ARHGAP6: variants seen among roughly 807,000 people sequenced by gnomAD.
The protein encoded by ARHGAP6 is rho GTPase-activating protein 6.
Under a neutral mutation model 55.7 loss-of-function variants are expected in ARHGAP6, and 16 were observed. That is an observed-to-expected ratio of 0.29 (90% CI 0.19 to 0.44). ARHGAP6 has a LOEUF of 0.44. Ranked by LOEUF, ARHGAP6 falls within the 20% of genes least tolerant of loss-of-function variation. The pLI is 1.00. For synonymous variants in ARHGAP6, 382 were observed against 360.9 expected, an observed-to-expected ratio of 1.06 and a Z score of -0.66; for missense variants, 698 against 808.9, an observed-to-expected ratio of 0.86 and a Z score of 1.66.
At chrX:11,284,387 A>G (rs887740852) in intron 1 of ARHGAP6, among the ~76,000 whole-genome samples, 1 of 112,133 alleles carries the variant, frequency 8.9e-6, no homozygotes, top group Non-Finnish European at 1.9e-5. Context: ...AAGAGGAAAG[A>G]AGTGGCACTT....
At chrX:11,365,899 G>C (rs1219452717) in intron 1 of ARHGAP6, among the ~76,000 whole-genome samples, 2 of 112,286 alleles carry the variant, frequency 1.8e-5, no homozygotes, top group East Asian at 5.6e-4. Flanking sequence ...AGTTCTGGAG[G>C]CTGGACATCT....
At chrX:11,576,238 C>A (rs1384155152) in intron 1 of ARHGAP6, among the ~76,000 whole-genome samples, 1 of 111,825 alleles carries the variant, frequency 8.9e-6, no homozygotes, top group Non-Finnish European at 1.9e-5. Context: ...GTGATACTGT[C>A]ACTTTATTAA....
chrX:11,261,996 T>C (rs940625348), intron 1 of ARHGAP6, among the ~76,000 whole-genome samples: 4 of 112,130 alleles, frequency 3.6e-5, no homozygotes, highest in Non-Finnish European at 5.6e-5. Flanking sequence ...AGATTACATA[T>C]AATCTCCTTA....
At chrX:11,146,745 C>A (rs2045697455) in intron 10 of ARHGAP6, among the ~76,000 whole-genome samples, 1 of 112,519 alleles carries the variant, frequency 8.9e-6, no homozygotes, top group Admixed American at 9.4e-5. Flanking sequence ...TGCTCTCTAG[C>A]AGCAGAGGCA....
At chrX:11,386,060 T>C (rs2049324683) in intron 1 of ARHGAP6, among the ~76,000 whole-genome samples, 1 of 112,218 alleles carries the variant, frequency 8.9e-6, no homozygotes, top group Non-Finnish European at 1.9e-5. Context: ...GCAAAGACAA[T>C]TCCTGAGAAA....
chrX:11,625,550 G>T (rs1437386017), intron 1 of ARHGAP6, among the ~76,000 whole-genome samples: 2 of 111,082 alleles, frequency 1.8e-5, no homozygotes, highest in Non-Finnish European at 3.8e-5. Context: ...GTAGTGGGGA[G>T]GAATGAAGAG....
intron 1 of ARHGAP6, among the ~76,000 whole-genome samples, chrX:11,262,078 C>T (rs927314203): frequency 9.0e-5 from 10 of 111,727 alleles, no homozygotes; most frequent in Non-Finnish European, 1.7e-4. Context: ...ACTATATATT[C>T]GTTTATATAT....
At chrX:11,208,786 C>G (rs2046746079) in intron 2 of ARHGAP6, among the ~76,000 whole-genome samples, 1 of 111,929 alleles carries the variant, frequency 8.9e-6, no homozygotes, top group Non-Finnish European at 1.9e-5. Flanking sequence ...GCCCCAAAAC[C>G]ATACTGGATG....
chrX:11,235,016 T>A (rs1267793872), intron 2 of ARHGAP6, among the ~76,000 whole-genome samples: 2 of 112,345 alleles, frequency 1.8e-5, no homozygotes, highest in Non-Finnish European at 3.8e-5. Flanking sequence ...GTGGCCCTCT[T>A]CTCACAGCTC....
intron 10 of ARHGAP6, chrX:11,148,626 T>C (rs1569230627): frequency 2.7e-6 from 1 of 370,606 alleles, no homozygotes; most frequent in South Asian, 2.4e-5. Context: ...AGTCACATTC[T>C]CACCCTTAGC....
At chrX:11,621,806 G>A (rs2052233776) in intron 1 of ARHGAP6, among the ~76,000 whole-genome samples, 1 of 111,103 alleles carries the variant, frequency 9.0e-6, no homozygotes, top group Non-Finnish European at 1.9e-5. Flanking sequence ...TACCCTATGA[G>A]TATTCAGAAA....
At chrX:11,146,848 AAT>A (rs1276411388) in intron 10 of ARHGAP6, among the ~76,000 whole-genome samples, 2 of 112,163 alleles carry the variant, frequency 1.8e-5, no homozygotes, top group African/African-American at 6.5e-5. Context: ...ACTTAGAGTT[AAT>A]AGCCTTTTAA....
chrX:11,602,567 T>G (rs1229228282), intron 1 of ARHGAP6, among the ~76,000 whole-genome samples: 1 of 112,949 alleles, frequency 8.9e-6, no homozygotes, highest in Non-Finnish European at 1.9e-5. Context: ...GTTAGGTCTA[T>G]GTCATGAGCC....
intron 1 of ARHGAP6, among the ~76,000 whole-genome samples, chrX:11,317,710 G>A (rs1181901978): frequency 8.9e-6 from 1 of 111,855 alleles, no homozygotes; most frequent in African/African-American, 3.2e-5. Flanking sequence ...TTGGAGAAAT[G>A]ACACCGGCCC....
chrX:11,621,677 G>T (rs1419912014), intron 1 of ARHGAP6, among the ~76,000 whole-genome samples: 2 of 110,667 alleles, frequency 1.8e-5, no homozygotes, highest in Non-Finnish European at 3.8e-5. Flanking sequence ...AGCTTCAAAG[G>T]CTTACTTAAA....
At chrX:11,421,756 G>T (rs773433767) in intron 1 of ARHGAP6, among the ~76,000 whole-genome samples, 4 of 111,623 alleles carry the variant, frequency 3.6e-5, no homozygotes, top group African/African-American at 1.3e-4. Context: ...ATCAGTGTTT[G>T]CCAAACCCAG....
At chrX:11,251,496 A>G (rs1255446260) in intron 2 of ARHGAP6, among the ~76,000 whole-genome samples, 1 of 111,878 alleles carries the variant, frequency 8.9e-6, no homozygotes, top group Admixed American at 9.5e-5. Context: ...CATTCATTTG[A>G]ACCCTGGAAG....
At chrX:11,533,205 A>G (rs1321095517) in intron 1 of ARHGAP6, among the ~76,000 whole-genome samples, 1 of 111,055 alleles carries the variant, frequency 9.0e-6, no homozygotes, top group Non-Finnish European at 1.9e-5. Context: ...TCAGTAACAT[A>G]TTTTAAAATA....
intron 1 of ARHGAP6, among the ~76,000 whole-genome samples, chrX:11,658,283 A>G (rs1378900645): frequency 8.9e-6 from 1 of 112,000 alleles, no homozygotes; most frequent in African/African-American, 3.2e-5. Flanking sequence ...AAGTCATCTG[A>G]GAAGCTATCT....
Sources: allele counts gnomAD v4.1 joint callset (sites outside exome capture counted in the v4.1 genomes callset), GRCh38; gene constraint gnomAD v4.1.1; transcripts MANE v1.5; gene names NCBI Gene and HGNC (gene_info 2026-07-23, HGNC 2026-07-21).